INPP5A: variants seen among roughly 807,000 people sequenced by gnomAD.
INPP5A encodes the protein 43 kDa inositol polyphosphate 5-phophatase.
In INPP5A, 14 loss-of-function variants were observed where a neutral mutation model predicts 65.2. The observed-to-expected ratio is 0.21, with a 90% CI of 0.14 to 0.34. The LOEUF (loss-of-function observed/expected upper bound fraction) is 0.34, where lower values mean the gene tolerates loss of function less well. Among genes scored for constraint, INPP5A ranks in the 10% least tolerant of loss-of-function variants. INPP5A has a pLI of 1.00. For synonymous variants in INPP5A, 207 were observed against 208.3 expected (o/e 0.99, Z 0.05); for missense variants, 431 against 545.6 (o/e 0.79, Z 2.09).
At chr10:132,685,442 T>A (rs769400077) in intron 4 of INPP5A, among the ~76,000 whole-genome samples, 7 of 152,274 alleles carry the variant, frequency 4.6e-5, no homozygotes, top group Non-Finnish European at 8.8e-5. Flanking sequence ...TGTGCTCATG[T>A]GCGTCCCTTA....
At chr10:132,619,600 C>T in intron 2 of INPP5A, among the ~76,000 whole-genome samples, 1 of 152,234 alleles carries the variant, frequency 6.6e-6, no homozygotes, top group East Asian at 1.9e-4. Context: ...TTTAACCCCA[C>T]ATTTTCCCTT....
chr10:132,752,428 G>A (rs775973373), intron 11 of INPP5A, among the ~76,000 whole-genome samples: 7 of 149,692 alleles, frequency 4.7e-5, no homozygotes, highest in Non-Finnish European at 8.9e-5. Context: ...GCATGGAGGG[G>A]CGTGTGATGT....
At chr10:132,668,429 C>G (rs2072835835) in intron 4 of INPP5A, among the ~76,000 whole-genome samples, 1 of 152,156 alleles carries the variant, frequency 6.6e-6, no homozygotes, top group Non-Finnish European at 1.5e-5. Context: ...ATTTGACGGA[C>G]TTCTTTTGGC....
chr10:132,552,724 T>C (rs2071072089), intron 1 of INPP5A, among the ~76,000 whole-genome samples: 1 of 134,352 alleles, frequency 7.4e-6, no homozygotes, highest in Non-Finnish European at 1.6e-5. Flanking sequence ...GGTGGCATAT[T>C]GGGTAGGATA....
chr10:132,632,818 G>T (rs1297018802), intron 2 of INPP5A, among the ~76,000 whole-genome samples: 3 of 152,230 alleles, frequency 2.0e-5, no homozygotes, highest in African/African-American at 7.2e-5. Context: ...CTCTGTGTCT[G>T]GGTGAGGGAA....
intron 13 of INPP5A, among the ~76,000 whole-genome samples, chr10:132,778,920 A>T (rs1591009559): frequency 6.6e-6 from 1 of 152,178 alleles, no homozygotes; most frequent in African/African-American, 2.4e-5. Context: ...CCTGAGATGC[A>T]CCCTGCTGGC....
intron 12 of INPP5A, among the ~76,000 whole-genome samples, chr10:132,775,486 G>C (rs902435659): frequency 3.3e-5 from 5 of 152,142 alleles, no homozygotes; most frequent in Admixed American, 3.3e-4. Flanking sequence ...GTTGTGTGCA[G>C]TCCACACTGG....
chr10:132,588,856 T>A (rs988013666), intron 1 of INPP5A, among the ~76,000 whole-genome samples: 1 of 151,906 alleles, frequency 6.6e-6, no homozygotes, highest in Non-Finnish European at 1.5e-5. Flanking sequence ...TGGGGTGTGG[T>A]CCCGCGTTCT....
In INPP5A at chr10:132,651,250, G is replaced by A. The variant is rs141954591; in HGVS notation, c.306+745G>A. On this transcript the variant is annotated intron_variant, in intron 4 of 15. Coordinates refer to ENST00000368594, the MANE Select transcript of INPP5A (RefSeq NM_005539.5). This position sits in a 1 kb window ranked among gnomAD's most constrained non-coding sequence, Gnocchi z 5.0. ...CCCCCGGCCTGGATCCATCTCCCCC[G>A]TCTCTGGGGAGGCCCTGGGTCCCCC... Among the ~76,000 whole-genome samples, 256 of 148,970 alleles carry A rather than the reference G, an allele frequency of 1.7e-3. No individual in the cohort carries two copies. Among genetic ancestry groups the A allele is most frequent in the African/African-American group, 5.9e-3 (239 of 40,450 alleles).
chr10:132,763,589 A>G (rs2134669642), intron 11 of INPP5A, among the ~76,000 whole-genome samples: 1 of 152,218 alleles, frequency 6.6e-6, no homozygotes, highest in East Asian at 1.9e-4. Context: ...CTGTGCACAC[A>G]TAAACATGCC....
intron 12 of INPP5A, among the ~76,000 whole-genome samples, chr10:132,773,702 G>C (rs917544741): frequency 6.6e-6 from 1 of 152,190 alleles, no homozygotes; most frequent in Non-Finnish European, 1.5e-5. Flanking sequence ...GAGGGAACCC[G>C]TCCCACAGAA....
rs747662734 is a variant in INPP5A, at chr10:132,555,458, C to G, written c.75+17287C>G. 6.6e-5 allele frequency among the ~76,000 whole-genome samples: 10 copies of G among 151,998 alleles called. No individual in the cohort carries two copies. The highest frequency in any genetic ancestry group is 1.3e-4 in the Admixed American group (2 of 15,256). On this transcript the variant is annotated intron_variant, in intron 1 of 15. Transcript: ENST00000368594. The surrounding 1 kb of genome is among the most constrained non-coding windows in gnomAD (Gnocchi z 4.4). ...AAGGGGGGCTTGGGCTGGGGCGTGG[C>G]CACGCTGGGAGGATGAGGAGCTTGA...
Position 132,650,650 on chromosome 10 carries a change from C to G in INPP5A, c.306+145C>G. ...CTGCCCTGCCTGGCACTCCCGCAGC[C>G]TGCTTGGTGGTCTGCTCGTGGTCTG... is the stretch of plus-strand genomic sequence containing the variant. On this transcript the variant is annotated intron_variant, in intron 4 of 15. Coordinates refer to ENST00000368594, the MANE Select transcript of INPP5A (RefSeq NM_005539.5). This position sits in a 1 kb window ranked among gnomAD's most constrained non-coding sequence, Gnocchi z 5.5. The G allele has an allele frequency of 1.5e-6, 1 of 650,178 alleles. No homozygotes were observed. Among genetic ancestry groups the G allele is most frequent in the Admixed American group, 2.4e-5 (1 of 42,094 alleles). 40.3% of individuals were successfully genotyped at this position (650,178 alleles called of 1,614,324 possible).
At chr10:132,642,552 C>T (rs547564872) in intron 2 of INPP5A, among the ~76,000 whole-genome samples, 38 of 152,294 alleles carry the variant, frequency 2.5e-4, no homozygotes, top group African/African-American at 9.1e-4. Flanking sequence ...CTTGTGATGG[C>T]GTTTGCCTAC....
chr10:132,738,310 A>G (rs1332030829), intron 9 of INPP5A, among the ~76,000 whole-genome samples: 3 of 152,170 alleles, frequency 2.0e-5, no homozygotes, highest in African/African-American at 2.4e-5. Flanking sequence ...TCCTTCACAC[A>G]TCGCACCCGG....
At chr10:132,683,620 AT>A (rs1429809716) in intron 4 of INPP5A, among the ~76,000 whole-genome samples, 2 of 152,256 alleles carry the variant, frequency 1.3e-5, no homozygotes, top group Admixed American at 6.5e-5. Flanking sequence ...CAGTAACACC[AT>A]GCAGGGAAGA....
chr10:132,651,370 C>T lies in INPP5A; in HGVS notation c.306+865C>T, dbSNP rs2072574531. Among the ~76,000 whole-genome samples the T allele has an allele frequency of 7.2e-6, 1 of 139,742 alleles. No individual in the cohort carries two copies. The highest frequency in any genetic ancestry group is 1.6e-5 in the Non-Finnish European group (1 of 63,770). 91.7% of individuals were successfully genotyped at this position (139,742 alleles called of 152,430 possible). A position where few individuals can be genotyped will look rare whatever the true frequency, so the allele number is the denominator to read the frequency against. ...TCTGGGGAGGCCCTGGGTCCCCCGG[C>T]CTGGGTCCATCTCCCCCGTCTCTGG... On this transcript the variant is annotated intron_variant, in intron 4 of 15. Transcript: ENST00000368594. This position sits in a 1 kb window ranked among gnomAD's most constrained non-coding sequence, Gnocchi z 5.0.
rs576473518 is a variant in INPP5A, at chr10:132,715,284, T to A, written c.647+4828T>A. ...GGCCTGGGCTAGTTCAACAGAAACA[T>A]TTTACATTACAACTGTGAAATCTCG... is the stretch of plus-strand genomic sequence containing the variant. On this transcript the variant is annotated intron_variant, in intron 8 of 15. Coordinates refer to ENST00000368594, the MANE Select transcript of INPP5A (RefSeq NM_005539.5). Among the ~76,000 whole-genome samples, 23 of 152,348 alleles carry A rather than the reference T, an allele frequency of 1.5e-4. No individual in the cohort carries two copies. In the South Asian group the frequency reaches 4.3e-3, roughly 29 times the overall value.
At chr10:132,757,638 C>T (rs542158695) in intron 11 of INPP5A, among the ~76,000 whole-genome samples, 101 of 152,378 alleles carry the variant, frequency 6.6e-4, no homozygotes, top group Non-Finnish European at 1.1e-3. Context: ...GCCAAACAGC[C>T]TGGAAGGATG....
Sources: allele counts gnomAD v4.1 joint callset (sites outside exome capture counted in the v4.1 genomes callset), GRCh38; gene constraint gnomAD v4.1.1; non-coding constraint Gnocchi (gnomAD v3.1); transcripts MANE v1.5; gene names NCBI Gene and HGNC (gene_info 2026-07-23, HGNC 2026-07-21).